The following HCRTR2 variants were observed in gnomAD, a reference collection of about 807,000 sequenced individuals.
HCRTR2 encodes hypocretin receptor 2.
In HCRTR2, 22 loss-of-function variants were observed where a neutral mutation model predicts 49.0. The ratio of observed to expected loss-of-function variants is 0.45; its 90% confidence interval spans 0.32 to 0.64. The LOEUF is 0.64. Ranked by LOEUF, HCRTR2 falls within the 30% of genes least tolerant of loss-of-function variation. The pLI is 0.04. For missense variants in HCRTR2, 491 were observed against 559.4 expected (o/e 0.88, Z 1.23); for synonymous variants, 236 against 205.3 (o/e 1.15, Z -1.28).
chr6:55,133,264 C>T (rs1764383537), intron 1 of HCRTR2, among the ~76,000 whole-genome samples: 1 of 151,700 alleles, frequency 6.6e-6, no homozygotes, highest in African/African-American at 2.4e-5. Flanking sequence ...TGTTTTCAGT[C>T]CTTTCTCTCA....
intron 1 of HCRTR2, among the ~76,000 whole-genome samples, chr6:55,114,229 T>A (rs534046874): frequency 6.6e-6 from 1 of 151,640 alleles, no homozygotes; most frequent in African/African-American, 2.4e-5. Context: ...AAAAAACTTA[T>A]TCATGTAACC....
At chr6:55,113,144 A>G (rs1017025663) in intron 1 of HCRTR2, among the ~76,000 whole-genome samples, 1 of 152,132 alleles carries the variant, frequency 6.6e-6, no homozygotes, top group Non-Finnish European at 1.5e-5. Flanking sequence ...CAGATCAAAG[A>G]CTTAAATCTA....
intron 5 of HCRTR2, among the ~76,000 whole-genome samples, chr6:55,278,776 A>T (rs1581874988): frequency 6.6e-6 from 1 of 150,652 alleles, no homozygotes; most frequent in East Asian, 1.9e-4. Context: ...CAGAAATTTA[A>T]TACAAATTTA....
chr6:55,122,704 C>A (rs1326931799), intron 1 of HCRTR2, among the ~76,000 whole-genome samples: 1 of 151,998 alleles, frequency 6.6e-6, no homozygotes, highest in Non-Finnish European at 1.5e-5. Context: ...ATAGCAAAGA[C>A]TTGGAACCAA....
intron 1 of HCRTR2, among the ~76,000 whole-genome samples, chr6:55,142,268 C>T (rs1421464473): frequency 6.6e-6 from 1 of 151,840 alleles, no homozygotes; most frequent in African/African-American, 2.4e-5. Flanking sequence ...ACGATCTCGG[C>T]TCACTGCAAG....
chr6:55,280,561 A>C, intron 6 of HCRTR2, 117 bp downstream of exon 6: 1 of 1,385,364 alleles, frequency 7.2e-7, no homozygotes, highest in African/African-American at 1.4e-5. Flanking sequence ...TTTTTCCCTG[A>C]CCTGATTTAT....
At chr6:55,232,879 C>T (rs1012798761) in intron 1 of HCRTR2, among the ~76,000 whole-genome samples, 12 of 151,958 alleles carry the variant, frequency 7.9e-5, no homozygotes, top group Non-Finnish European at 1.8e-4. Context: ...TTTTTAACTC[C>T]GAAGTGCATA....
Position 55,203,873 on chromosome 6 carries a change from GT to G in HCRTR2, c.223+29074del, listed in dbSNP as rs796263516. The stretch of plus-strand genomic sequence containing the variant: ...TTGTAAGTCATTGTAAGGACTTAAG[GT>G]TTTTTTTTTTCCTCTCCAAATGAGA... On this transcript the variant is annotated intron_variant, in intron 1 of 6. Coordinates refer to ENST00000370862, the MANE Select transcript of HCRTR2 (RefSeq NM_001384272.1). 6.6e-3 allele frequency among the ~76,000 whole-genome samples: 974 copies of G among 147,648 alleles called. 5 individuals are homozygous for G. The highest frequency in any genetic ancestry group is 0.01 in the African/African-American group (408 of 40,446).
At chr6:55,258,108 T>TA (rs1205979374) in intron 3 of HCRTR2, among the ~76,000 whole-genome samples, 1 of 152,114 alleles carries the variant, frequency 6.6e-6, no homozygotes, top group Non-Finnish European at 1.5e-5. Flanking sequence ...CACAACTTTT[T>TA]AAAAAACCAT....
At chr6:55,132,758 T>G (rs916816623) in intron 1 of HCRTR2, among the ~76,000 whole-genome samples, 6 of 151,234 alleles carry the variant, frequency 4.0e-5, no homozygotes, top group African/African-American at 1.5e-4. Context: ...TCTCTTTTTT[T>G]TTTTTTTTCG....
intron 1 of HCRTR2, among the ~76,000 whole-genome samples, chr6:55,213,534 C>T (rs1765732467): frequency 6.6e-6 from 1 of 152,122 alleles, no homozygotes; most frequent in South Asian, 2.1e-4. Context: ...ATCAAGAAGC[C>T]AGTTAAGAGG....
At chr6:55,218,100 TA>T in intron 1 of HCRTR2, among the ~76,000 whole-genome samples, 1 of 152,328 alleles carries the variant, frequency 6.6e-6, no homozygotes, top group East Asian at 1.9e-4. Flanking sequence ...AACTGGATTT[TA>T]TAACAGACCC....
At chr6:55,261,900 G>T (rs982955205) in intron 3 of HCRTR2, among the ~76,000 whole-genome samples, 1 of 151,988 alleles carries the variant, frequency 6.6e-6, no homozygotes, top group Non-Finnish European at 1.5e-5. Flanking sequence ...ATCAATGAGG[G>T]AATAAAAATA....
intron 1 of HCRTR2, among the ~76,000 whole-genome samples, chr6:55,183,661 C>A (rs928157051): frequency 6.6e-6 from 1 of 152,102 alleles, no homozygotes; most frequent in African/African-American, 2.4e-5. Context: ...GGTTTTCACA[C>A]TGGGGTTTGC....
intron 1 of HCRTR2, among the ~76,000 whole-genome samples, chr6:55,237,618 G>A (rs1055040883): frequency 1.3e-5 from 2 of 152,132 alleles, no homozygotes; most frequent in Admixed American, 1.3e-4. Flanking sequence ...AAGAAAAGAG[G>A]CTAAATGCCA....
intron 1 of HCRTR2, among the ~76,000 whole-genome samples, chr6:55,247,882 G>A (rs192268994): frequency 1.2e-4 from 18 of 152,192 alleles, no homozygotes; most frequent in Admixed American, 3.3e-4. Flanking sequence ...GAACTTATAT[G>A]TACTTTATTA....
In HCRTR2 at chr6:55,231,343, TACTC is replaced by T. The variant is rs138653374; in HGVS notation, c.224-17295_224-17292del. ...AATTAAACATGTGAAGGGAGACTAA[TACTC>T]TCTTTTAAGAGAAGTAAGAATGAAA... is the stretch of plus-strand genomic sequence containing the variant. On this transcript the variant is annotated intron_variant, in intron 1 of 6. Coordinates refer to ENST00000370862, the MANE Select transcript of HCRTR2 (RefSeq NM_001384272.1). Among the ~76,000 whole-genome samples, 1,216 of 152,280 alleles carry T rather than the reference TACTC, an allele frequency of 8.0e-3. 12 individuals are homozygous for T. Among genetic ancestry groups the T allele is most frequent in the African/African-American group, 0.028 (1,148 of 41,576 alleles).
intron 1 of HCRTR2, among the ~76,000 whole-genome samples, chr6:55,202,600 G>C (rs1399857689): frequency 6.6e-6 from 1 of 152,120 alleles, no homozygotes; most frequent in Admixed American, 6.6e-5. Flanking sequence ...AACATCTGTT[G>C]TCTCATATGT....
chr6:55,224,961 C>G (rs1288584498), intron 1 of HCRTR2, among the ~76,000 whole-genome samples: 1 of 152,050 alleles, frequency 6.6e-6, no homozygotes, highest in Non-Finnish European at 1.5e-5. Flanking sequence ...TAGTTAGTAA[C>G]AATATTTTGT....
Sources: gnomAD v4.1 joint callset for allele counts (sites outside exome capture counted in the v4.1 genomes callset) on GRCh38, gnomAD v4.1.1 for gene constraint, MANE v1.5 for transcripts, NCBI Gene and HGNC (gene_info 2026-07-23, HGNC 2026-07-21) for gene names.